ATOSA: variants seen among roughly 807,000 people sequenced by gnomAD.
The protein encoded by ATOSA is atos homolog protein A.
the ATOSA span, among the ~76,000 whole-genome samples, chr15:52,709,548 T>C: frequency 6.6e-6 from 1 of 152,146 alleles, no homozygotes. Flanking sequence ...CACTTGTATG[T>C]TCCCAAGACT....
the ATOSA span, among the ~76,000 whole-genome samples, chr15:52,698,220 C>A: frequency 6.6e-6 from 1 of 151,786 alleles, no homozygotes; most frequent in South Asian, 2.1e-4. Flanking sequence ...ACCTCATGAT[C>A]TGCCCGCCTC....
chr15:52,698,101 C>T, the ATOSA span, among the ~76,000 whole-genome samples: 5 of 150,740 alleles, frequency 3.3e-5, no homozygotes, highest in East Asian at 7.8e-4. Flanking sequence ...CTCAGCCTCC[C>T]GAGTAGCTGG....
At chr15:52,585,077 C>T in the ATOSA span, 4 of 614,406 alleles carry the variant, frequency 6.5e-6, no homozygotes, top group Non-Finnish European at 1.0e-5. Context: ...GTTTCAAGGA[C>T]TAAAATTAAC....
the ATOSA span, among the ~76,000 whole-genome samples, chr15:52,630,895 G>A: frequency 1.3e-5 from 2 of 152,132 alleles, no homozygotes; most frequent in Admixed American, 1.3e-4. Context: ...AACACTATAG[G>A]ATGATTCTAT....
the ATOSA span, among the ~76,000 whole-genome samples, chr15:52,604,754 G>A: frequency 6.6e-6 from 1 of 152,170 alleles, no homozygotes; most frequent in Admixed American, 6.5e-5. Context: ...AGATTTATAT[G>A]TCTCAAGATG....
the ATOSA span, chr15:52,601,142 T>G: frequency 6.5e-7 from 1 of 1,544,112 alleles, no homozygotes; most frequent in African/African-American, 1.4e-5. Context: ...CAAAGCAACC[T>G]GATTGTGTTT....
At chr15:52,677,283 A>C in the ATOSA span, among the ~76,000 whole-genome samples, 1 of 152,330 alleles carries the variant, frequency 6.6e-6, no homozygotes, top group African/African-American at 2.4e-5. Flanking sequence ...AATCAAACTC[A>C]TATCTGACTG....
chr15:52,699,436 ATCCTTTTAATCCTATC>A, the ATOSA span, among the ~76,000 whole-genome samples: 1 of 151,542 alleles, frequency 6.6e-6, no homozygotes, highest in Non-Finnish European at 1.5e-5. Context: ...CAATCTCCAA[ATCCTTTTAATCCTATC>A]TTGTGCACAA....
the ATOSA span, among the ~76,000 whole-genome samples, chr15:52,693,044 A>C: frequency 6.6e-6 from 1 of 152,246 alleles, no homozygotes; most frequent in Non-Finnish European, 1.5e-5. Flanking sequence ...GAAAGTCAAG[A>C]ACAAGAATAT....
At chr15:52,591,573 C>T in the ATOSA span, among the ~76,000 whole-genome samples, 6,393 of 152,214 alleles carry the variant, frequency 0.042, 277 homozygotes, top group East Asian at 0.24. Context: ...GAGACCTTAT[C>T]TTTCCATCCT....
At chr15:52,653,896 T>C in the ATOSA span, among the ~76,000 whole-genome samples, 1 of 152,194 alleles carries the variant, frequency 6.6e-6, no homozygotes, top group Non-Finnish European at 1.5e-5. Flanking sequence ...TTCACAATCA[T>C]GGGAGGTGAC....
At chr15:52,611,705 T>C in the ATOSA span, 1 of 1,614,026 alleles carries the variant, frequency 6.2e-7, no homozygotes, top group Non-Finnish European at 8.5e-7. Flanking sequence ...AGTAGCATCA[T>C]TTCCACCATG....
the ATOSA span, chr15:52,584,682 A>C: frequency 6.8e-7 from 1 of 1,469,048 alleles, no homozygotes. Context: ...CAGTTTAAAA[A>C]AAAAAACTAA....
At chr15:52,687,686 AAGG>A in the ATOSA span, among the ~76,000 whole-genome samples, 1 of 152,188 alleles carries the variant, frequency 6.6e-6, no homozygotes. Flanking sequence ...GGTCAGTTTC[AAGG>A]AGGTTAAACA....
chr15:52,603,341 C>T, the ATOSA span, among the ~76,000 whole-genome samples: 2 of 151,914 alleles, frequency 1.3e-5, no homozygotes, highest in African/African-American at 2.4e-5. Context: ...ATGCTGGCAA[C>T]GATGGAACAA....
the ATOSA span, among the ~76,000 whole-genome samples, chr15:52,627,843 T>C: frequency 6.6e-6 from 1 of 152,180 alleles, no homozygotes; most frequent in Non-Finnish European, 1.5e-5. Context: ...AGAGAATTTA[T>C]AATGCCACTT....
the ATOSA span, among the ~76,000 whole-genome samples, chr15:52,690,215 A>G: frequency 6.6e-6 from 1 of 152,234 alleles, no homozygotes; most frequent in East Asian, 1.9e-4. Flanking sequence ...TATTCAATCA[A>G]TAATATGTAC....
At chr15:52,682,997 A>G in the ATOSA span, among the ~76,000 whole-genome samples, 3 of 152,288 alleles carry the variant, frequency 2.0e-5, no homozygotes, top group South Asian at 6.2e-4. Flanking sequence ...CCACAGGTAT[A>G]AGGAAGTAAA....
At chr15:52,658,520 A>G in the ATOSA span, 1 of 385,390 alleles carries the variant, frequency 2.6e-6, no homozygotes, top group Non-Finnish European at 4.6e-6. Context: ...AGGAAACATC[A>G]GTAAGACCTC....
Sources: allele counts gnomAD v4.1 joint callset (sites outside exome capture counted in the v4.1 genomes callset), GRCh38; gene constraint gnomAD v4.1.1; transcripts MANE v1.5; gene names NCBI Gene and HGNC (gene_info 2026-07-23, HGNC 2026-07-21).